HEPHL1: variants seen among roughly 807,000 people sequenced by gnomAD.
HEPHL1 encodes ferroxidase HEPHL1.
HEPHL1 carries 123 observed loss-of-function variants against 122.0 expected under a neutral mutation model. The observed-to-expected ratio is 1.01, with a 90% CI of 0.87 to 1.17. HEPHL1 has a LOEUF of 1.17. HEPHL1 is among the 50% of genes most tolerant of loss of function. The probability of loss-of-function intolerance (pLI) is 0.00; values close to 1 mark genes in which losing one functional copy is unlikely to be tolerated. For synonymous variants in HEPHL1, 527 were observed against 508.9 expected (o/e 1.04, Z -0.48); for missense variants, 1,452 against 1,430.5 (o/e 1.01, Z -0.24).
intron 1 of HEPHL1, among the ~76,000 whole-genome samples, chr11:94,030,996 T>C (rs1026597700): frequency 1.3e-5 from 2 of 152,192 alleles, no homozygotes; most frequent in African/African-American, 4.8e-5. Context: ...CCAATCCCCT[T>C]GCAGAGCAGA....
chr11:94,096,700 G>A (rs1486489667), intron 13 of HEPHL1, among the ~76,000 whole-genome samples: 2 of 152,156 alleles, frequency 1.3e-5, no homozygotes, highest in Non-Finnish European at 2.9e-5. Context: ...TTCAGAACAC[G>A]TTATTGGTCT....
chr11:94,044,526 G>A (rs1945816079), intron 1 of HEPHL1, among the ~76,000 whole-genome samples: 1 of 152,076 alleles, frequency 6.6e-6, no homozygotes, highest in African/African-American at 2.4e-5. Flanking sequence ...AATTAAACTT[G>A]TCAGTCTATC....
At chr11:94,030,077 T>C (rs967428898) in intron 1 of HEPHL1, among the ~76,000 whole-genome samples, 6 of 152,234 alleles carry the variant, frequency 3.9e-5, no homozygotes, top group African/African-American at 1.4e-4. Flanking sequence ...TAGAGTCCAA[T>C]GTCCATCCTT....
At chr11:94,051,790 C>T (rs1044217714) in intron 2 of HEPHL1, among the ~76,000 whole-genome samples, 1 of 151,934 alleles carries the variant, frequency 6.6e-6, no homozygotes, top group East Asian at 1.9e-4. Flanking sequence ...GTTTTTAATC[C>T]ATTTTGATTT....
chr11:94,106,109 T>C lies in HEPHL1; in HGVS notation c.3024T>C (p.His1008=), dbSNP rs768596605. ...TGGACATACATACCATCCATTATCA[T>C]GCTGAGAGCTTTCTTTTCAAAGTAA... ...SEVDIHTIHY[H]AESFLFKIDK... The change falls in exon 17 of 20, where the codon CAT becomes CAC. Residue 1008 remains histidine, a synonymous_variant. Transcript: ENST00000315765. The C allele has an allele frequency of 6.4e-6, 10 of 1,565,892 alleles. No individual in the cohort carries two copies. Among genetic ancestry groups the C allele is most frequent in the Admixed American group, 1.8e-5 (1 of 56,884 alleles).
intron 2 of HEPHL1, among the ~76,000 whole-genome samples, chr11:94,050,269 G>A (rs1945878041): frequency 6.6e-6 from 1 of 152,126 alleles, no homozygotes; most frequent in South Asian, 2.1e-4. Flanking sequence ...ACGGACTTAA[G>A]CCATTGTGAA....
At position 94,045,884 on chromosome 11, in the gene HEPHL1, C is replaced by T; in HGVS notation, c.382C>T (p.Pro128Ser). ...NFASRPYSLH[P>S]HGVFYNKDSE... ...TGCTTCTCGACCTTACTCTCTGCAT[C>T]CACATGGCGTTTTCTACAACAAAGA... is the stretch of plus-strand genomic sequence containing the variant. Residue 128 changes from proline to serine, a missense_variant, in exon 2 of 20, where the codon CCA (proline) becomes TCA (serine). By Grantham distance (74) the Pro-to-Ser change is moderately conservative. Coordinates refer to ENST00000315765, the MANE Select transcript of HEPHL1 (RefSeq NM_001098672.2). 1.2e-6 allele frequency: 2 copies of T among 1,613,852 alleles called. No individual in the cohort carries two copies. Among genetic ancestry groups the T allele is most frequent in the African/African-American group, 1.3e-5 (1 of 75,052 alleles).
In HEPHL1 at chr11:94,088,931, G is replaced by T. The variant is rs758024819; in HGVS notation, c.2257G>T (p.Glu753Ter). 1 of 1,613,998 alleles carries T rather than the reference G, an allele frequency of 6.2e-7. No homozygotes were observed. Among genetic ancestry groups the T allele is most frequent in the Non-Finnish European group, 8.5e-7 (1 of 1,179,890 alleles). Residue 753 changes from glutamate to a stop codon, truncating the protein, a stop_gained, in exon 12 of 20, where the codon GAG (glutamate) becomes TAG (stop). Transcript: ENST00000315765. LOFTEE classifies it high-confidence loss of function. ...EWDYAPNKNWEFEKQHVDARG... is the reference protein window; with the variant it reads ...EWDYAPNKNW ...GGATTATGCCCCTAACAAAAACTGGGAGTTCGAAAAGCAGCACGTGGACGC... is the reference window on the plus strand; with the variant it reads ...GGATTATGCCCCTAACAAAAACTGGTAGTTCGAAAAGCAGCACGTGGACGC...
At chr11:94,022,195 G>A (rs1227646259) in intron 1 of HEPHL1, among the ~76,000 whole-genome samples, 2 of 152,080 alleles carry the variant, frequency 1.3e-5, no homozygotes, top group Non-Finnish European at 2.9e-5. Flanking sequence ...TTTTAATTTG[G>A]GGCAGAAAAT....
intron 6 of HEPHL1, 72 bp from the exon 7 acceptor site, chr11:94,072,953 G>A (rs1946088600): frequency 7.2e-7 from 1 of 1,390,644 alleles, no homozygotes; most frequent in Non-Finnish European, 1.0e-6. Flanking sequence ...GTGATAGAAT[G>A]AAGTTCTATA....
rs966721509 is a variant in HEPHL1, at chr11:94,112,465, T to C, written c.*571T>C. 1 of 152,256 alleles carries C rather than the reference T, an allele frequency of 6.6e-6. No individual in the cohort carries two copies. The highest frequency in any genetic ancestry group is 1.5e-5 in the Non-Finnish European group (1 of 68,042). The allele number at this position is 152,256 out of a possible 1,614,324, so 9.4% of individuals were successfully genotyped here. A position where few individuals can be genotyped will look rare whatever the true frequency, so the allele number is the denominator to read the frequency against. ...AGGCTTTAACCAGCTCTCCTGGCCTTTTCCTCTTTGATATAAATAGCCTGT... is the reference window on the plus strand; with the variant it reads ...AGGCTTTAACCAGCTCTCCTGGCCTCTTCCTCTTTGATATAAATAGCCTGT... On this transcript the variant is annotated 3_prime_UTR_variant, in exon 20 of 20. Transcript: ENST00000315765.
intron 2 of HEPHL1, among the ~76,000 whole-genome samples, chr11:94,057,581 C>G (rs1242610868): frequency 6.6e-6 from 1 of 151,982 alleles, no homozygotes; most frequent in East Asian, 1.9e-4. Flanking sequence ...ATTTATTGTA[C>G]TTTTCAATGC....
intron 11 of HEPHL1, among the ~76,000 whole-genome samples, chr11:94,088,480 G>A (rs1946235924): frequency 6.6e-6 from 1 of 152,118 alleles, no homozygotes; most frequent in Non-Finnish European, 1.5e-5. Flanking sequence ...GAATTATATG[G>A]GAGACCCAGA....
chr11:94,055,718 G>T, intron 2 of HEPHL1: 1 of 374,858 alleles, frequency 2.7e-6, no homozygotes, highest in East Asian at 6.7e-5. Flanking sequence ...TTGACATTCT[G>T]TAAATCTTCA....
chr11:94,109,872 T>C (rs1289540542), intron 17 of HEPHL1, among the ~76,000 whole-genome samples: 5 of 152,230 alleles, frequency 3.3e-5, no homozygotes, highest in Non-Finnish European at 5.9e-5. Context: ...TGTTCTTTCC[T>C]CTTCTATTTT....
intron 9 of HEPHL1, 39 bp from the exon 10 acceptor site, chr11:94,082,379 G>A (rs1226468553): frequency 6.6e-7 from 1 of 1,520,528 alleles, no homozygotes; most frequent in South Asian, 1.2e-5. Context: ...ATTCCTCCAA[G>A]CTGTACCTTT....
At chr11:94,045,556 C>A in intron 1 of HEPHL1, 117 bp from the exon 2 acceptor site, 1 of 856,016 alleles carries the variant, frequency 1.2e-6, no homozygotes, top group Non-Finnish European at 1.8e-6. Context: ...GAGGTTGCAG[C>A]TTATAGTGAA....
chr11:94,080,098 A>G (rs1464156320), intron 9 of HEPHL1, among the ~76,000 whole-genome samples: 4 of 152,218 alleles, frequency 2.6e-5, no homozygotes, highest in Admixed American at 6.5e-5. Context: ...AAAGTCAGAC[A>G]CATAGAGCAA....
intron 13 of HEPHL1, among the ~76,000 whole-genome samples, chr11:94,095,395 C>T (rs145258694): frequency 0.025 from 3,823 of 152,238 alleles, 166 homozygotes; most frequent in African/African-American, 0.088. Context: ...TTGGCTACTA[C>T]AGCCTTGTAG....
Sources: allele counts gnomAD v4.1 joint callset (sites outside exome capture counted in the v4.1 genomes callset), GRCh38; gene constraint gnomAD v4.1.1; transcripts MANE v1.5; gene names NCBI Gene and HGNC (gene_info 2026-07-23, HGNC 2026-07-21).